The following HCN1 variants were observed in gnomAD, a reference collection of about 807,000 sequenced individuals.
HCN1 encodes the protein potassium/sodium hyperpolarization-activated cyclic nucleotide-gated channel 1.
Under a neutral mutation model 78.9 loss-of-function variants are expected in HCN1, and 13 were observed. The observed-to-expected ratio is 0.16, with a 90% confidence interval of 0.11 to 0.26. The LOEUF (loss-of-function observed/expected upper bound fraction) is 0.26. Ranked by LOEUF, HCN1 falls within the 10% of genes least tolerant of loss-of-function variation. HCN1 has a pLI of 1.00. For synonymous variants in HCN1, 552 were observed against 455.5 expected (o/e 1.21, Z -2.70); for missense variants, 810 against 1,154.3 (o/e 0.70, Z 4.32).
At chr5:45,658,368 G>A (rs2112052345) in intron 1 of HCN1, among the ~76,000 whole-genome samples, 5 of 152,300 alleles carry the variant, frequency 3.3e-5, no homozygotes, top group African/African-American at 1.2e-4. Context: ...CAATGGTAAT[G>A]AAAGTCAGAA....
intron 4 of HCN1, among the ~76,000 whole-genome samples, chr5:45,364,619 A>G (rs758659116): frequency 6.6e-6 from 1 of 152,104 alleles, no homozygotes; most frequent in Non-Finnish European, 1.5e-5. Flanking sequence ...GGTTTTGGGT[A>G]CACTCATGTC....
At position 45,468,474 on chromosome 5, in the gene HCN1, T is replaced by C. The variant is rs190994856; in HGVS notation, c.850-6467A>G. Reference sequence around the variant, plus strand: ...TCAGTTATTTTTTAGAAACCTGTTATGTTTCTTAACTACCTTTTCAACTAT... The same window carrying C: ...TCAGTTATTTTTTAGAAACCTGTTACGTTTCTTAACTACCTTTTCAACTAT... On this transcript the variant is annotated intron_variant, in intron 2 of 7. Transcript: ENST00000303230. Among the ~76,000 whole-genome samples, 265 of 152,210 alleles carry C rather than the reference T, an allele frequency of 1.7e-3. 1 individual carries two copies. The highest frequency in any genetic ancestry group is 6.1e-3 in the African/African-American group (254 of 41,526).
chr5:45,623,050 T>C (rs1041394576), intron 2 of HCN1, among the ~76,000 whole-genome samples: 8 of 152,178 alleles, frequency 5.3e-5, no homozygotes, highest in Non-Finnish European at 1.0e-4. Context: ...ACCAGCTTCA[T>C]GATTACACCT....
intron 6 of HCN1, among the ~76,000 whole-genome samples, chr5:45,291,545 T>A: frequency 6.6e-6 from 1 of 152,026 alleles, no homozygotes; most frequent in East Asian, 1.9e-4. Context: ...TCTCTCTTTT[T>A]TATTTTATTT....
At chr5:45,478,254 G>C (rs1234980523) in intron 2 of HCN1, among the ~76,000 whole-genome samples, 12 of 152,070 alleles carry the variant, frequency 7.9e-5, no homozygotes, top group Admixed American at 7.2e-4. Context: ...AGGGTGCTCA[G>C]GGTAAATCAG....
chr5:45,403,131 T>G (rs1315346301), intron 3 of HCN1, among the ~76,000 whole-genome samples: 1 of 152,124 alleles, frequency 6.6e-6, no homozygotes, highest in Non-Finnish European at 1.5e-5. Flanking sequence ...AGGCCAATAT[T>G]GCTTTCTTTA....
rs1744705254 is a variant in HCN1, at chr5:45,260,255, C to T, written c.*1666G>A. The T allele has an allele frequency of 6.6e-6, 1 of 152,198 alleles. No individual in the cohort carries two copies. The highest frequency in any genetic ancestry group is 1.5e-5 in the Non-Finnish European group (1 of 68,046). 9.4% of individuals were successfully genotyped at this position (152,198 alleles called of 1,614,324 possible). ...CTGAAGACCTCCACTTTAAGTCATG[C>T]TCTTAACTTGGGTTATTTACCGCAG... is the stretch of plus-strand genomic sequence containing the variant. On this transcript the variant is annotated 3_prime_UTR_variant, in exon 8 of 8. Transcript: ENST00000303230.
intron 5 of HCN1, among the ~76,000 whole-genome samples, chr5:45,317,246 C>T (rs1272760995): frequency 2.0e-5 from 3 of 151,922 alleles, no homozygotes; most frequent in African/African-American, 4.8e-5. Flanking sequence ...AGAACAGAGC[C>T]CTCAGAAATA....
intron 2 of HCN1, among the ~76,000 whole-genome samples, chr5:45,609,318 C>A (rs1013641580): frequency 6.6e-6 from 1 of 151,970 alleles, no homozygotes; most frequent in South Asian, 2.1e-4. Flanking sequence ...AATATAAATG[C>A]CCATCAACAA....
At chr5:45,691,627 T>C (rs78992554) in intron 1 of HCN1, among the ~76,000 whole-genome samples, 3,848 of 152,066 alleles carry the variant, frequency 0.025, 188 homozygotes, top group African/African-American at 0.087. Flanking sequence ...GAAAAGCAAA[T>C]AAAATAAGCA....
chr5:45,355,301 A>G (rs910815405), intron 4 of HCN1, among the ~76,000 whole-genome samples: 2 of 152,010 alleles, frequency 1.3e-5, no homozygotes, highest in Middle Eastern at 6.3e-3. Context: ...CAAACATTAA[A>G]TGATTATTGT....
chr5:45,633,583 A>T (rs536842295), intron 2 of HCN1, among the ~76,000 whole-genome samples: 2 of 152,102 alleles, frequency 1.3e-5, no homozygotes, highest in Non-Finnish European at 2.9e-5. Flanking sequence ...TCCTTTTCTA[A>T]TTCCTCCACA....
chr5:45,576,095 C>A (rs1175422345), intron 2 of HCN1: 3 of 151,770 alleles, frequency 2.0e-5, no homozygotes, highest in Non-Finnish European at 4.4e-5. Context: ...GATGACCTTG[C>A]CGGATTCAAG....
intron 2 of HCN1, among the ~76,000 whole-genome samples, chr5:45,600,288 TAATTGACCCCAA>T (rs1290052091): frequency 6.6e-6 from 1 of 151,986 alleles, no homozygotes; most frequent in Non-Finnish European, 1.5e-5. Context: ...AATATTTGAT[TAATTGACCCCAA>T]AATATTTTTC....
At chr5:45,452,411 G>A (rs968863782) in intron 3 of HCN1, among the ~76,000 whole-genome samples, 2 of 150,656 alleles carry the variant, frequency 1.3e-5, no homozygotes, top group East Asian at 1.9e-4. Context: ...TTGATATAGA[G>A]ATTTTTTTTT....
chr5:45,359,079 A>G (rs1747062498), intron 4 of HCN1, among the ~76,000 whole-genome samples: 1 of 151,972 alleles, frequency 6.6e-6, no homozygotes, highest in South Asian at 2.1e-4. Context: ...GAGTTTTCAT[A>G]TTTTGTATGA....
intron 2 of HCN1, among the ~76,000 whole-genome samples, chr5:45,536,394 A>G (rs537731868): frequency 2.0e-4 from 30 of 152,158 alleles, no homozygotes; most frequent in African/African-American, 7.0e-4. Context: ...TCTCTTTCAC[A>G]TGAGAAAAGT....
chr5:45,319,507 G>T (rs1746077103), intron 5 of HCN1, among the ~76,000 whole-genome samples: 1 of 151,740 alleles, frequency 6.6e-6, no homozygotes, highest in Non-Finnish European at 1.5e-5. Context: ...CAGATGAATA[G>T]CCTGTTTTGT....
intron 2 of HCN1, among the ~76,000 whole-genome samples, chr5:45,517,789 A>T (rs1742541165): frequency 6.6e-6 from 1 of 152,018 alleles, no homozygotes; most frequent in African/African-American, 2.4e-5. Context: ...CAACCTGAAA[A>T]TTGTGGCAAA....
Sources: gnomAD v4.1 joint callset for allele counts (sites outside exome capture counted in the v4.1 genomes callset) on GRCh38, gnomAD v4.1.1 for gene constraint, MANE v1.5 for transcripts, NCBI Gene and HGNC (gene_info 2026-07-23, HGNC 2026-07-21) for gene names.